LAMA2: variants seen among roughly 807,000 people sequenced by gnomAD.
LAMA2 encodes the protein laminin subunit alpha-2.
In LAMA2, 269 loss-of-function variants were observed where a neutral mutation model predicts 364.8. That is an observed-to-expected ratio of 0.74 (90% CI 0.67 to 0.82). The LOEUF is 0.82. LAMA2 is among the 40% of genes least tolerant of loss of function. The probability of loss-of-function intolerance (pLI) is 0.00; values close to 1 mark genes in which losing one functional copy is unlikely to be tolerated. For missense variants in LAMA2, 3,807 were observed against 3,873.2 expected, an observed-to-expected ratio of 0.98 and a Z score of 0.45; for synonymous variants, 1,379 against 1,370.6, an observed-to-expected ratio of 1.01 and a Z score of -0.14.
chr6:129,013,117 T>C (rs535557533), intron 1 of LAMA2, among the ~76,000 whole-genome samples: 1 of 152,368 alleles, frequency 6.6e-6, no homozygotes, highest in East Asian at 1.9e-4. Context: ...TTTCAGCTTT[T>C]CTATATGATT....
intron 1 of LAMA2, among the ~76,000 whole-genome samples, chr6:128,957,836 A>ATTTTTTTTTTTTTTTTTTTTTTTTTTCT (rs10652900): frequency 2.0e-5 from 1 of 51,264 alleles, no homozygotes; most frequent in Non-Finnish European, 3.4e-5. Flanking sequence ...TACTTCATGC[A>ATTTTTTTTTTTTTTTTTTTTTTTTTTCT]TTTTTTTTTT....
intron 8 of LAMA2, chr6:129,157,572 A>G: frequency 1.2e-6 from 2 of 1,612,972 alleles, no homozygotes; most frequent in Non-Finnish European, 1.7e-6. Context: ...CGTCTTCTTA[A>G]TTCTCAACGC....
intron 1 of LAMA2, among the ~76,000 whole-genome samples, chr6:128,888,286 C>T (rs1776261517): frequency 6.6e-6 from 1 of 151,890 alleles, no homozygotes; most frequent in South Asian, 2.1e-4. Context: ...TGGGGTTGGG[C>T]CTATATGCAT....
intron 1 of LAMA2, among the ~76,000 whole-genome samples, chr6:129,023,950 G>C (rs1785625750): frequency 6.6e-6 from 1 of 151,842 alleles, no homozygotes; most frequent in African/African-American, 2.4e-5. Flanking sequence ...TTTTGGTTTG[G>C]TTTTAGAGAC....
intron 4 of LAMA2, among the ~76,000 whole-genome samples, chr6:129,099,531 T>A (rs1011054597): frequency 6.6e-6 from 1 of 152,178 alleles, no homozygotes; most frequent in South Asian, 2.1e-4. Context: ...TATATCTCCA[T>A]TGATACTCAT....
intron 22 of LAMA2, among the ~76,000 whole-genome samples, chr6:129,312,366 G>A (rs1774282197): frequency 6.6e-6 from 1 of 151,996 alleles, no homozygotes; most frequent in African/African-American, 2.4e-5. Context: ...CTAGTCTGAT[G>A]CCCTTTGTAT....
chr6:129,171,619 A>G (rs1780161519), intron 9 of LAMA2, among the ~76,000 whole-genome samples: 1 of 149,320 alleles, frequency 6.7e-6, no homozygotes. Flanking sequence ...TTTTTCCTTC[A>G]TTTCAGCTTT....
At position 129,291,507 on chromosome 6, in the gene LAMA2, A is replaced by T. The variant is rs1789699824; in HGVS notation, c.2750-107A>T. 4 of 779,596 alleles carry T rather than the reference A, an allele frequency of 5.1e-6. No individual in the cohort carries two copies. In the Admixed American group the frequency reaches 8.0e-5, roughly 16 times the overall value. 48.3% of individuals were successfully genotyped at this position (779,596 alleles called of 1,614,324 possible). A position where few individuals can be genotyped will look rare whatever the true frequency, so the allele number is the denominator to read the frequency against. ...TTAACAAATCAGAAAACATTCTGTT[A>T]CTGAACTTAGGCGTCCATGTTACCA... On this transcript the variant is annotated intron_variant, in intron 19 of 64. Transcript: ENST00000421865.
At chr6:128,910,303 T>G (rs1777818395) in intron 1 of LAMA2, among the ~76,000 whole-genome samples, 1 of 152,248 alleles carries the variant, frequency 6.6e-6, no homozygotes, top group Admixed American at 6.5e-5. Flanking sequence ...TCTTTTCACA[T>G]AGTCCCATAT....
intron 25 of LAMA2, 34 bp from the exon 26 acceptor site, chr6:129,315,728 A>C: frequency 6.2e-7 from 1 of 1,611,958 alleles, no homozygotes; most frequent in East Asian, 2.2e-5. Context: ...TTGGAGATTT[A>C]TCCAATTCCT....
At chr6:129,500,659 C>G (rs1163984523) in intron 58 of LAMA2, among the ~76,000 whole-genome samples, 2 of 152,078 alleles carry the variant, frequency 1.3e-5, no homozygotes, top group African/African-American at 4.8e-5. Context: ...AGTGCCTTGT[C>G]CATCTAGAAA....
intron 32 of LAMA2, among the ~76,000 whole-genome samples, chr6:129,362,637 G>A (rs1777532194): frequency 6.6e-6 from 1 of 152,134 alleles, no homozygotes; most frequent in South Asian, 2.1e-4. Context: ...AGGTGTTTAA[G>A]GTCCCTTCTT....
chr6:129,383,368 G>A (rs981364506), intron 35 of LAMA2, 135 bp downstream of exon 35: 1 of 763,896 alleles, frequency 1.3e-6, no homozygotes, highest in Non-Finnish European at 2.3e-6. Context: ...AAAGTAGTGT[G>A]GTTAAGATAT....
intron 12 of LAMA2, among the ~76,000 whole-genome samples, chr6:129,195,208 T>G (rs1781764308): frequency 6.6e-6 from 1 of 152,230 alleles, no homozygotes; most frequent in Admixed American, 6.5e-5. Context: ...ATAAGGCTTC[T>G]TCTAACAGAA....
chr6:128,906,857 T>C (rs1027733275), intron 1 of LAMA2, among the ~76,000 whole-genome samples: 1 of 151,272 alleles, frequency 6.6e-6, no homozygotes, highest in African/African-American at 2.4e-5. Context: ...TACATATGGC[T>C]AGCCAGTTTC....
intron 41 of LAMA2, among the ~76,000 whole-genome samples, chr6:129,430,643 G>T (rs1233757934): frequency 6.6e-6 from 1 of 152,140 alleles, no homozygotes; most frequent in Non-Finnish European, 1.5e-5. Flanking sequence ...ACCACCAGGT[G>T]AATGAACACT....
At chr6:128,994,190 T>A (rs114763520) in intron 1 of LAMA2, among the ~76,000 whole-genome samples, 3,051 of 152,316 alleles carry the variant, frequency 0.02, 100 homozygotes, top group African/African-American at 0.069. Flanking sequence ...AAGCAGAGAA[T>A]GTCAAGGTCT....
intron 7 of LAMA2, among the ~76,000 whole-genome samples, chr6:129,153,432 T>C (rs991815665): frequency 5.9e-5 from 9 of 152,190 alleles, no homozygotes; most frequent in Non-Finnish European, 1.3e-4. Context: ...AGCATGATCT[T>C]AGCCACCAGT....
chr6:129,346,190 T>C (rs1776541271), intron 30 of LAMA2, among the ~76,000 whole-genome samples: 2 of 152,192 alleles, frequency 1.3e-5, no homozygotes, highest in Admixed American at 6.5e-5. Context: ...ATCAGACTCT[T>C]TGAGCATTAG....
Sources: allele counts gnomAD v4.1 joint callset (sites outside exome capture counted in the v4.1 genomes callset), GRCh38; gene constraint gnomAD v4.1.1; transcripts MANE v1.5; gene names NCBI Gene and HGNC (gene_info 2026-07-23, HGNC 2026-07-21).